BMP2K: variants seen among roughly 807,000 people sequenced by gnomAD.
BMP2K encodes BMP-2-inducible protein kinase.
A neutral mutation model predicts 116.0 loss-of-function variants in BMP2K; 74 were observed. The ratio of observed to expected loss-of-function variants is 0.64; its 90% CI spans 0.53 to 0.77. BMP2K has a LOEUF of 0.77. Ranked by LOEUF, BMP2K falls within the 30% of genes least tolerant of loss-of-function variation. The pLI is 0.00. For synonymous variants in BMP2K, 486 were observed against 502.5 expected (o/e 0.97, Z 0.44); for missense variants, 1,365 against 1,403.6 (o/e 0.97, Z 0.44).
chr4:78,859,520 G>T (rs867963954), intron 7 of BMP2K, 64 bp from the exon 8 acceptor site: 4 of 972,228 alleles, frequency 4.1e-6, no homozygotes, highest in Non-Finnish European at 6.1e-6. Context: ...TCCTTATAAT[G>T]TGCCCCTAAG....
intron 3 of BMP2K, 99 bp downstream of exon 3, chr4:78,833,786 A>G (rs541356879): frequency 1.3e-6 from 1 of 748,204 alleles, no homozygotes; most frequent in Admixed American, 2.6e-5. Context: ...AACTAATTCT[A>G]GTCACTTATT....
chr4:78,795,566 C>A (rs1195036560), intron 1 of BMP2K, among the ~76,000 whole-genome samples: 1 of 152,050 alleles, frequency 6.6e-6, no homozygotes, highest in African/African-American at 2.4e-5. Context: ...AGAGCTTCTG[C>A]ACAGCAAAAG....
At chr4:78,810,072 C>G (rs1251182130) in intron 1 of BMP2K, among the ~76,000 whole-genome samples, 2 of 152,206 alleles carry the variant, frequency 1.3e-5, no homozygotes, top group Admixed American at 6.5e-5. Flanking sequence ...GTCTGATCCC[C>G]CACTCTGTGG....
At chr4:78,832,994 G>A (rs1250183644) in intron 2 of BMP2K, among the ~76,000 whole-genome samples, 3 of 151,812 alleles carry the variant, frequency 2.0e-5, no homozygotes, top group Non-Finnish European at 2.9e-5. Context: ...CTCATTGTAC[G>A]CTGATGACTA....
intron 7 of BMP2K, among the ~76,000 whole-genome samples, chr4:78,855,995 C>A (rs1470259149): frequency 6.6e-6 from 1 of 152,042 alleles, no homozygotes; most frequent in Non-Finnish European, 1.5e-5. Flanking sequence ...TCACGTAATA[C>A]TACTTTTAGG....
intron 1 of BMP2K, among the ~76,000 whole-genome samples, chr4:78,822,467 T>C (rs930018680): frequency 6.6e-6 from 1 of 152,212 alleles, no homozygotes; most frequent in Admixed American, 6.5e-5. Flanking sequence ...CAATTATTTT[T>C]CTTATTTACT....
chr4:78,804,526 G>A (rs1342176741), intron 1 of BMP2K, among the ~76,000 whole-genome samples: 1 of 151,964 alleles, frequency 6.6e-6, no homozygotes, highest in African/African-American at 2.4e-5. Flanking sequence ...TTCCATAATG[G>A]TTGCACAATT....
At chr4:78,814,204 G>A (rs10031754) in intron 1 of BMP2K, among the ~76,000 whole-genome samples, 13 of 152,138 alleles carry the variant, frequency 8.5e-5, no homozygotes, top group African/African-American at 3.1e-4. Context: ...TCCTTTTTGA[G>A]TTAAAAATGG....
intron 10 of BMP2K, among the ~76,000 whole-genome samples, chr4:78,867,202 C>T (rs934320949): frequency 6.6e-6 from 1 of 151,464 alleles, no homozygotes; most frequent in African/African-American, 2.4e-5. Context: ...GAAAAAAAAG[C>T]AAGAGGTGTT....
At chr4:78,865,435 G>A (rs1731996496) in intron 9 of BMP2K, 122 bp from the exon 10 acceptor site, 2 of 859,792 alleles carry the variant, frequency 2.3e-6, no homozygotes, top group East Asian at 5.3e-5. Flanking sequence ...GGAGAAAGAT[G>A]AGGACTAATG....
At chr4:78,834,545 G>T (rs1055016203) in intron 3 of BMP2K, among the ~76,000 whole-genome samples, 1 of 152,198 alleles carries the variant, frequency 6.6e-6, no homozygotes, top group African/African-American at 2.4e-5. Flanking sequence ...ACAGGCATGA[G>T]CTACCGCGTC....
chr4:78,825,685 A>G (rs1301834282), intron 1 of BMP2K, among the ~76,000 whole-genome samples: 1 of 152,210 alleles, frequency 6.6e-6, no homozygotes, highest in Non-Finnish European at 1.5e-5. Context: ...TTGTCATCCA[A>G]GAGGGAGATT....
At chr4:78,851,588 A>C (rs1032924065) in intron 7 of BMP2K, among the ~76,000 whole-genome samples, 1 of 152,108 alleles carries the variant, frequency 6.6e-6, no homozygotes. Context: ...TCTGCATTCA[A>C]GTACCCCTTG....
intron 15 of BMP2K, among the ~76,000 whole-genome samples, chr4:78,894,364 C>T (rs948081558): frequency 6.6e-6 from 1 of 152,176 alleles, no homozygotes; most frequent in Non-Finnish European, 1.5e-5. Flanking sequence ...GTGTAGCCAC[C>T]TTCATCAGTG....
At chr4:78,857,846 TTCATGTAATGGA>T (rs1448225155) in intron 7 of BMP2K, among the ~76,000 whole-genome samples, 1 of 151,996 alleles carries the variant, frequency 6.6e-6, no homozygotes, top group Non-Finnish European at 1.5e-5. Context: ...TACACTGTGA[TTCATGTAATGGA>T]TCATGTTGCC....
At chr4:78,861,293 A>G (rs116196541) in intron 8 of BMP2K, 96 bp from the exon 9 acceptor site, 1 of 892,334 alleles carries the variant, frequency 1.1e-6, no homozygotes. Flanking sequence ...GTCTCATAGT[A>G]CTTTTAAAGT....
rs1215677625 is a variant in BMP2K, at chr4:78,914,189, T to C, written c.*2156T>C. ...AGAAAAGGGGTAGAGGATGAACTAA[T>C]GTCTCCTTCAGATGTAAACATGAAA... On this transcript the variant is annotated 3_prime_UTR_variant, in exon 16 of 16. Coordinates refer to ENST00000502613, the MANE Select transcript of BMP2K (RefSeq NM_198892.2). 1 of 152,080 alleles carries C rather than the reference T, an allele frequency of 6.6e-6. No homozygotes were observed. Among genetic ancestry groups the C allele is most frequent in the Non-Finnish European group, 1.5e-5 (1 of 67,952 alleles). The allele number at this position is 152,080 out of a possible 1,614,324, so 9.4% of individuals were successfully genotyped here.
chr4:78,853,838 A>G (rs989196600), intron 7 of BMP2K, among the ~76,000 whole-genome samples: 10 of 152,180 alleles, frequency 6.6e-5, no homozygotes, highest in Non-Finnish European at 1.5e-4. Context: ...GATAGCCTTT[A>G]ATACTATAGT....
At chr4:78,780,425 T>G (rs1011347728) in intron 1 of BMP2K, among the ~76,000 whole-genome samples, 1 of 152,204 alleles carries the variant, frequency 6.6e-6, no homozygotes, top group Non-Finnish European at 1.5e-5. Context: ...AGTATTTCTC[T>G]TAGAGTTAAA....
Sources: allele counts gnomAD v4.1 joint callset (sites outside exome capture counted in the v4.1 genomes callset), GRCh38; gene constraint gnomAD v4.1.1; transcripts MANE v1.5; gene names NCBI Gene and HGNC (gene_info 2026-07-23, HGNC 2026-07-21).